Variants in PLCXD3 observed in about 807,000 individuals in gnomAD.
The protein encoded by PLCXD3 is PI-PLC X domain-containing protein 3.
In PLCXD3, 19 loss-of-function variants were observed where a neutral mutation model predicts 25.5. That is an observed-to-expected ratio of 0.75 (90% confidence interval 0.52 to 1.09). The LOEUF (loss-of-function observed/expected upper bound fraction) is 1.09, where lower values mean the gene tolerates loss of function less well. Among genes scored for constraint, PLCXD3 ranks in the 50% least tolerant of loss-of-function variants. The probability of loss-of-function intolerance (pLI) is 0.00; values close to 1 mark genes in which losing one functional copy is unlikely to be tolerated. For missense variants in PLCXD3, 411 were observed against 388.1 expected (o/e 1.06, Z -0.50); for synonymous variants, 174 against 137.6 (o/e 1.26, Z -1.85).
chr5:41,341,923 C>G (rs980941181), intron 2 of PLCXD3, among the ~76,000 whole-genome samples: 10 of 152,126 alleles, frequency 6.6e-5, no homozygotes, highest in Non-Finnish European at 1.0e-4. Flanking sequence ...CTTTACCTCT[C>G]AAGATATGAG....
intron 2 of PLCXD3, among the ~76,000 whole-genome samples, chr5:41,324,785 A>G (rs1373098560): frequency 6.6e-6 from 1 of 152,186 alleles, no homozygotes; most frequent in African/African-American, 2.4e-5. Context: ...CTTTGGAAAT[A>G]GTATCACAAC....
At chr5:41,411,672 A>G (rs1746523448) in intron 1 of PLCXD3, among the ~76,000 whole-genome samples, 2 of 152,012 alleles carry the variant, frequency 1.3e-5, no homozygotes, top group African/African-American at 4.8e-5. Flanking sequence ...GGTCTTATAA[A>G]TCTTACATGG....
rs201542722 is a variant in PLCXD3, at chr5:41,421,497, T to C, written c.104-38963A>G. Among the ~76,000 whole-genome samples, 66 of 151,972 alleles carry C rather than the reference T, an allele frequency of 4.3e-4. No individual in the cohort carries two copies. In the East Asian group the frequency reaches 6.0e-3, roughly 14 times the overall value. ...CGGGCTGATCACAAGGTCAGGATATTGAGACCATCCTGGCTAACACGGTGA... is the reference window on the plus strand; with the variant it reads ...CGGGCTGATCACAAGGTCAGGATATCGAGACCATCCTGGCTAACACGGTGA... On this transcript the variant is annotated intron_variant, in intron 1 of 2. Coordinates refer to ENST00000377801, the MANE Select transcript of PLCXD3 (RefSeq NM_001005473.3).
chr5:41,456,817 C>T (rs1747764214), intron 1 of PLCXD3, among the ~76,000 whole-genome samples: 1 of 151,860 alleles, frequency 6.6e-6, no homozygotes, highest in Non-Finnish European at 1.5e-5. Context: ...CACCAAACAC[C>T]AAATCTGCCA....
intron 1 of PLCXD3, among the ~76,000 whole-genome samples, chr5:41,430,361 A>G (rs1020827565): frequency 5.3e-5 from 8 of 152,212 alleles, no homozygotes; most frequent in Non-Finnish European, 1.0e-4. Context: ...GGGTTAGATT[A>G]TAAAGCCAAA....
At chr5:41,413,700 T>C (rs1746620039) in intron 1 of PLCXD3, among the ~76,000 whole-genome samples, 1 of 152,152 alleles carries the variant, frequency 6.6e-6, no homozygotes, top group Non-Finnish European at 1.5e-5. Context: ...GTTTAGGCAA[T>C]GGTCATCACA....
chr5:41,316,360 CCAGGTA>C (rs1374566234), intron 2 of PLCXD3, among the ~76,000 whole-genome samples: 1 of 152,174 alleles, frequency 6.6e-6, no homozygotes, highest in Non-Finnish European at 1.5e-5. Flanking sequence ...GCAGAGATAT[CCAGGTA>C]CTACATCTTG....
At chr5:41,453,920 C>A (rs1747694070) in intron 1 of PLCXD3, among the ~76,000 whole-genome samples, 1 of 151,940 alleles carries the variant, frequency 6.6e-6, no homozygotes, top group Admixed American at 6.6e-5. Context: ...ATGGCCATGA[C>A]TTTTAGGCTT....
Position 41,381,994 on chromosome 5 carries a change from G to A in PLCXD3, c.644C>T (p.Pro215Leu), listed in dbSNP as rs1190241062. 2 of 1,613,324 alleles carry A rather than the reference G, an allele frequency of 1.2e-6. No individual in the cohort carries two copies. Among genetic ancestry groups the A allele is most frequent in the South Asian group, 2.2e-5 (2 of 91,058 alleles). The change falls in exon 2 of 3, where the codon CCC (proline) becomes CTC (leucine). Residue 215 changes from proline to leucine, a missense_variant. By Grantham distance (98) the Pro-to-Leu change is moderately conservative. Coordinates refer to ENST00000377801, the MANE Select transcript of PLCXD3 (RefSeq NM_001005473.3). Reference protein sequence around the residue: ...FLWPGQMMPAPWANTTDPEKL... With the variant: ...FLWPGQMMPALWANTTDPEKL... ...CTCGGGGTCTGTGGTGTTGGCCCAGGGTGCTGGCATCATCTGCCCAGGCCA... is the reference window on the plus strand; with the variant it reads ...CTCGGGGTCTGTGGTGTTGGCCCAGAGTGCTGGCATCATCTGCCCAGGCCA...
rs148703750 is a variant in PLCXD3 at position 41,500,999 on chromosome 5, C to T, written c.103+9425G>A. ...ACCAGGGAAATGAAAATCAAAACCACGGTAAGATATCACCTAATACCTGTT... is the reference window on the plus strand; with the variant it reads ...ACCAGGGAAATGAAAATCAAAACCATGGTAAGATATCACCTAATACCTGTT... On this transcript the variant is annotated intron_variant, in intron 1 of 2. Transcript: ENST00000377801. Among the ~76,000 whole-genome samples, 43 of 151,808 alleles carry T rather than the reference C, an allele frequency of 2.8e-4. No individual in the cohort carries two copies. The East Asian group carries it at 5.6e-3, about 20-fold the overall frequency.
intron 1 of PLCXD3, among the ~76,000 whole-genome samples, chr5:41,410,247 C>T (rs1256798192): frequency 6.6e-6 from 1 of 150,808 alleles, no homozygotes; most frequent in African/African-American, 2.4e-5. Context: ...TCAAGCAATT[C>T]TCCTGCCTCA....
At chr5:41,359,353 T>C (rs1280936097) in intron 2 of PLCXD3, among the ~76,000 whole-genome samples, 1 of 152,154 alleles carries the variant, frequency 6.6e-6, no homozygotes, top group East Asian at 1.9e-4. Context: ...TCCTGGACTT[T>C]TTTTTATTGG....
intron 2 of PLCXD3, among the ~76,000 whole-genome samples, chr5:41,372,460 C>G (rs181345589): frequency 1.6e-4 from 25 of 152,132 alleles, no homozygotes; most frequent in Admixed American, 1.2e-3. Flanking sequence ...TTTTAATCTT[C>G]TTTAATCTTA....
At chr5:41,429,916 A>G (rs1747051349) in intron 1 of PLCXD3, among the ~76,000 whole-genome samples, 1 of 152,178 alleles carries the variant, frequency 6.6e-6, no homozygotes, top group Non-Finnish European at 1.5e-5. Flanking sequence ...TTTTTAGAAA[A>G]ATATTCAGCT....
At chr5:41,405,160 T>C (rs10069345) in intron 1 of PLCXD3, among the ~76,000 whole-genome samples, 8,838 of 152,162 alleles carry the variant, frequency 0.058, 877 homozygotes, top group African/African-American at 0.2. Flanking sequence ...CTTCCACCTA[T>C]GAACCAAAAA....
At chr5:41,468,235 C>T (rs1580387888) in intron 1 of PLCXD3, among the ~76,000 whole-genome samples, 1 of 151,814 alleles carries the variant, frequency 6.6e-6, no homozygotes, top group Non-Finnish European at 1.5e-5. Context: ...CTAGGTTAGT[C>T]TCAAATTCCT....
At chr5:41,416,768 C>G (rs1258025044) in intron 1 of PLCXD3, among the ~76,000 whole-genome samples, 14 of 152,148 alleles carry the variant, frequency 9.2e-5, no homozygotes, top group Admixed American at 7.2e-4. Context: ...TTTGCCTATG[C>G]CCCAGTTAGA....
At chr5:41,332,903 A>G (rs1195790901) in intron 2 of PLCXD3, among the ~76,000 whole-genome samples, 1 of 152,060 alleles carries the variant, frequency 6.6e-6, no homozygotes, top group Non-Finnish European at 1.5e-5. Flanking sequence ...GTGTGAACAC[A>G]TGGACACAGG....
At chr5:41,344,955 G>A (rs1219444338) in intron 2 of PLCXD3, among the ~76,000 whole-genome samples, 1 of 152,088 alleles carries the variant, frequency 6.6e-6, no homozygotes, top group Non-Finnish European at 1.5e-5. Flanking sequence ...TAATCTAGAG[G>A]TAGGTGGGTG....
Sources: gnomAD v4.1 joint callset for allele counts (sites outside exome capture counted in the v4.1 genomes callset) on GRCh38, gnomAD v4.1.1 for gene constraint, MANE v1.5 for transcripts, NCBI Gene and HGNC (gene_info 2026-07-23, HGNC 2026-07-21) for gene names.